Variants in EXOSC9 observed in about 807,000 individuals in gnomAD.
EXOSC9 encodes exosome component 9.
Under a neutral mutation model 56.5 loss-of-function variants are expected in EXOSC9, and 38 were observed. The ratio of observed to expected loss-of-function variants is 0.67; its 90% CI spans 0.52 to 0.88. The LOEUF (loss-of-function observed/expected upper bound fraction) is 0.88. Ranked by LOEUF, EXOSC9 falls within the 40% of genes least tolerant of loss-of-function variation. The pLI is 0.00. For missense variants in EXOSC9, 559 were observed against 530.5 expected (o/e 1.05, Z -0.53); for synonymous variants, 170 against 170.8 (o/e 0.99, Z 0.04).
Position 121,807,623 on chromosome 4 carries a change from G to T in EXOSC9, c.605+1G>T. 1 of 1,603,114 alleles carries T rather than the reference G, an allele frequency of 6.2e-7. No individual in the cohort carries two copies. The highest frequency in any genetic ancestry group is 2.2e-5 in the East Asian group (1 of 44,806). ...TCAGTTTTGCCTTTTTCCAGCAAGG[G>T]TAAGCCTCGCCTTATTATGGGCCAA... On this transcript the variant is annotated splice_donor_variant, in intron 6 of 11. Coordinates refer to ENST00000243498, the MANE Select transcript of EXOSC9 (RefSeq NM_005033.3). LOFTEE classifies it high-confidence loss of function.
At chr4:121,814,087 A>G (rs1441403400) in intron 10 of EXOSC9, 40 bp downstream of exon 10, 2 of 1,215,888 alleles carry the variant, frequency 1.6e-6, no homozygotes, top group East Asian at 2.3e-5. Flanking sequence ...TATATTACAT[A>G]CATATAGTAT....
At chr4:121,803,375 G>T (rs1475743402) in intron 4 of EXOSC9, among the ~76,000 whole-genome samples, 1 of 151,998 alleles carries the variant, frequency 6.6e-6, no homozygotes, top group Non-Finnish European at 1.5e-5. Flanking sequence ...ATAGAAGCAG[G>T]TAGTTTTCCT....
Position 121,804,878 on chromosome 4 carries a change from A to C in EXOSC9, c.522+119A>C, listed in dbSNP as rs138028388. The C allele has an allele frequency of 1.2e-3, 941 of 789,382 alleles. 24 individuals are homozygous for C. In the East Asian group the frequency reaches 0.026, roughly 22 times the overall value. The allele number at this position is 789,382 out of a possible 1,614,324, so 48.9% of individuals were successfully genotyped here. ...GATGGCAATTGGGTCGTTTCTAAAA[A>C]TTTGTTTGTAAGACTGAAACTGCAT... On this transcript the variant is annotated intron_variant, in intron 5 of 11. Coordinates refer to ENST00000243498, the MANE Select transcript of EXOSC9 (RefSeq NM_005033.3).
intron 10 of EXOSC9, chr4:121,814,311 A>G (rs1724393060): frequency 4.7e-6 from 1 of 210,686 alleles, no homozygotes; most frequent in Non-Finnish European, 9.5e-6. Context: ...AATTTCAACT[A>G]AATTATTGTG....
intron 9 of EXOSC9, 88 bp from the exon 10 acceptor site, chr4:121,813,778 A>G: frequency 2.0e-6 from 2 of 977,518 alleles, no homozygotes; most frequent in African/African-American, 1.6e-5. Context: ...ACTTGAATCA[A>G]TCTTACAAGA....
At chr4:121,813,791 A>C (rs1299763144) in intron 9 of EXOSC9, 75 bp from the exon 10 acceptor site, 2 of 1,127,212 alleles carry the variant, frequency 1.8e-6, no homozygotes, top group Admixed American at 2.2e-5. Context: ...TTACAAGAAG[A>C]AAACTTTCAT....
chr4:121,804,587 GT>G, intron 4 of EXOSC9, 34 bp from the exon 5 acceptor site: 2 of 1,412,692 alleles, frequency 1.4e-6, no homozygotes, highest in Non-Finnish European at 2.0e-6. Flanking sequence ...GTTGTAATCA[GT>G]TAGGATTTAT....
chr4:121,816,735 A>G lies in EXOSC9; in HGVS notation c.1236-37A>G, dbSNP rs377438764. 4.6e-5 allele frequency: 71 copies of G among 1,539,168 alleles called. No individual in the cohort carries two copies. The Middle Eastern group carries it at 5.2e-4, about 11-fold the overall frequency. On this transcript the variant is annotated intron_variant, in intron 11 of 11. Transcript: ENST00000243498. The stretch of plus-strand genomic sequence containing the variant: ...TTATTTCAATAATCCAAAACTTAAC[A>G]TACTCTTAGTAAATTCTTACTTTGC...
intron 10 of EXOSC9, chr4:121,814,297 T>C: frequency 4.4e-6 from 1 of 228,720 alleles, no homozygotes; most frequent in Non-Finnish European, 8.5e-6. Flanking sequence ...AATATTGTGA[T>C]TTAAATTTCA....
chr4:121,811,474 A>C (rs1463043472), intron 7 of EXOSC9, 109 bp from the exon 8 acceptor site: 2 of 570,028 alleles, frequency 3.5e-6, no homozygotes, highest in Non-Finnish European at 6.0e-6. Flanking sequence ...CATGTTTGGA[A>C]AAGTCAGGCT....
Position 121,816,958 on chromosome 4 carries a change from A to G in EXOSC9, c.*102A>G. The G allele has an allele frequency of 8.7e-7, 1 of 1,152,306 alleles. No individual in the cohort carries two copies. The highest frequency in any genetic ancestry group is 2.0e-5 in the South Asian group (1 of 49,542). 71.4% of individuals were successfully genotyped at this position (1,152,306 alleles called of 1,614,324 possible). ...TATTCACAAATCCATTATAAAATCT[A>G]GCAGGATTTTAAAAATAGTTTTTTG... On this transcript the variant is annotated 3_prime_UTR_variant, in exon 12 of 12. Transcript: ENST00000243498.
Position 121,810,104 on chromosome 4 carries a change from G to T in EXOSC9, c.738+5G>T, listed in dbSNP as rs774090626. The T allele has an allele frequency of 6.2e-7, 1 of 1,611,860 alleles. No homozygotes were observed. Among genetic ancestry groups the T allele is most frequent in the Non-Finnish European group, 8.5e-7 (1 of 1,178,378 alleles). On this transcript the variant is annotated splice_donor_5th_base_variant and intron_variant, in intron 7 of 11. Transcript: ENST00000243498. ...ATAATGCTACTAAAAGATCAAGTTA[G>T]TGCTTTGATTAATGTCCCATTAATA...
chr4:121,803,632 C>A (rs951761292), intron 4 of EXOSC9, among the ~76,000 whole-genome samples: 1 of 152,100 alleles, frequency 6.6e-6, no homozygotes, highest in South Asian at 2.1e-4. Flanking sequence ...CCTCTGCCTC[C>A]CCTGTTCAAG....
In EXOSC9 at chr4:121,801,350, A is replaced by C. The variant is rs1455967448; in HGVS notation, c.-75A>C. The C allele has an allele frequency of 7.1e-7, 1 of 1,410,924 alleles. No homozygotes were observed. Among genetic ancestry groups the C allele is most frequent in the African/African-American group, 1.4e-5 (1 of 70,856 alleles). 87.4% of individuals were successfully genotyped at this position (1,410,924 alleles called of 1,614,324 possible). A position where few individuals can be genotyped will look rare whatever the true frequency, so the allele number is the denominator to read the frequency against. On this transcript the variant is annotated 5_prime_UTR_variant, in exon 1 of 12. Transcript: ENST00000243498. ...AATTTTCCTGCGCCTCGGGGCGAGC[A>C]GCGGCGCGCAAGGAAAGATCGGGTT...
At position 121,813,254 on chromosome 4, in the gene EXOSC9, G is replaced by A. The variant is rs1027838160; in HGVS notation, c.848G>A (p.Gly283Asp). 4 of 1,609,050 alleles carry A rather than the reference G, an allele frequency of 2.5e-6. No individual in the cohort carries two copies. The African/African-American group carries it at 4.0e-5, about 16-fold the overall frequency. The change falls in exon 9 of 12, where the codon GGT becomes GAT. Residue 283 changes from glycine (G) to aspartate (D), a missense_variant. Transcript: ENST00000243498. ...TACAGGAAAGAAGGTGGAAAGTTTG[G>A]TTTTGCAGAGTCTATAGCAAATCAA... is the stretch of plus-strand genomic sequence containing the variant. ...QKVRKEGGKFGFAESIANQRI... is the reference protein window; with the variant it reads ...QKVRKEGGKFDFAESIANQRI...
At position 121,816,946 on chromosome 4, in the gene EXOSC9, A is replaced by G; in HGVS notation, c.*90A>G. The G allele has an allele frequency of 8.1e-7, 1 of 1,231,872 alleles. No individual in the cohort carries two copies. Among genetic ancestry groups the G allele is most frequent in the Non-Finnish European group, 1.1e-6 (1 of 922,264 alleles). 76.3% of individuals were successfully genotyped at this position (1,231,872 alleles called of 1,614,324 possible). ...CTGGGTATTTTTTATTCACAAATCC[A>G]TTATAAAATCTAGCAGGATTTTAAA... On this transcript the variant is annotated 3_prime_UTR_variant, in exon 12 of 12. Coordinates refer to ENST00000243498, the MANE Select transcript of EXOSC9 (RefSeq NM_005033.3).
rs1384900024 is a variant in EXOSC9, at chr4:121,803,015, A to G, written c.382A>G (p.Lys128Glu). The change falls in exon 4 of 12, where the codon AAG becomes GAG. Residue 128 changes from lysine (K) to glutamate (E), a missense_variant and splice_region_variant. By Grantham distance (56) the Lys-to-Glu change is moderately conservative. Coordinates refer to ENST00000243498, the MANE Select transcript of EXOSC9 (RefSeq NM_005033.3). ...GTCTCTCTGTGTTGTTGCTGGTGAAAAGGTGGGGAATATGCCCATAATTCT... is the reference window on the plus strand; with the variant it reads ...GTCTCTCTGTGTTGTTGCTGGTGAAGAGGTGGGGAATATGCCCATAATTCT... ...TESLCVVAGE[K>E]VWQIRVDLHL... 6.2e-6 allele frequency: 10 copies of G among 1,602,768 alleles called. No homozygotes were observed. The highest frequency in any genetic ancestry group is 8.5e-6 in the Non-Finnish European group (10 of 1,169,914).
rs749324326 is a variant in EXOSC9 at position 121,816,417 on chromosome 4, T to G, written c.1205T>G (p.Leu402Trp). ...SDSEEEEMII[L>W]EPDKNPKKIR... Reference sequence around the variant, plus strand: ...AGTGAAGAAGAAGAAATGATCATTTTGGAACCAGACAAGAATCCAAAGAAA... The same window carrying G: ...AGTGAAGAAGAAGAAATGATCATTTGGGAACCAGACAAGAATCCAAAGAAA... Residue 402 changes from leucine to tryptophan, a missense_variant, in exon 11 of 12, where the codon TTG becomes TGG. By Grantham distance (61) the Leu-to-Trp change is moderately conservative. Coordinates refer to ENST00000243498, the MANE Select transcript of EXOSC9 (RefSeq NM_005033.3). 2.2e-5 allele frequency: 35 copies of G among 1,580,664 alleles called. No individual in the cohort carries two copies. Among genetic ancestry groups the G allele is most frequent in the Non-Finnish European group, 2.8e-5 (33 of 1,164,768 alleles).
At chr4:121,803,651 C>T (rs1162235290) in intron 4 of EXOSC9, among the ~76,000 whole-genome samples, 1 of 152,026 alleles carries the variant, frequency 6.6e-6, no homozygotes, top group Non-Finnish European at 1.5e-5. Flanking sequence ...AGCGATTCTC[C>T]CACTCAGCTT....
Sources: allele counts gnomAD v4.1 joint callset (sites outside exome capture counted in the v4.1 genomes callset), GRCh38; gene constraint gnomAD v4.1.1; transcripts MANE v1.5; gene names NCBI Gene and HGNC (gene_info 2026-07-23, HGNC 2026-07-21).